The following CBFA2T2 variants were observed in gnomAD, a reference collection of about 807,000 sequenced individuals.
CBFA2T2 encodes CBFA2/RUNX1 partner transcriptional co-repressor 2, also known as protein CBFA2T2.
In CBFA2T2, 11 loss-of-function variants were observed where a neutral mutation model predicts 62.2. That is an observed-to-expected ratio of 0.18 (90% confidence interval 0.11 to 0.29). CBFA2T2 has a LOEUF of 0.29. Among genes scored for constraint, CBFA2T2 ranks in the 10% least tolerant of loss-of-function variants. CBFA2T2 has a pLI of 1.00. For synonymous variants in CBFA2T2, 295 were observed against 287.5 expected, an observed-to-expected ratio of 1.03 and a Z score of -0.27; for missense variants, 592 against 774.1, an observed-to-expected ratio of 0.76 and a Z score of 2.79.
At chr20:33,642,149 T>TGTGG in intron 10 of CBFA2T2, among the ~76,000 whole-genome samples, 1 of 150,108 alleles carries the variant, frequency 6.7e-6, no homozygotes, top group African/African-American at 2.4e-5. Context: ...TGTGTGTGTG[T>TGTGG]GTGTGTGTGT....
At chr20:33,585,362 A>G (rs2014315617) in intron 1 of CBFA2T2, among the ~76,000 whole-genome samples, 1 of 152,210 alleles carries the variant, frequency 6.6e-6, no homozygotes, top group Admixed American at 6.5e-5. Context: ...GAATACCGTG[A>G]GCATGTGTCT....
chr20:33,591,714 A>C (rs560671459), intron 1 of CBFA2T2, among the ~76,000 whole-genome samples: 3 of 152,318 alleles, frequency 2.0e-5, no homozygotes, highest in Non-Finnish European at 4.4e-5. Context: ...AGCACATTAA[A>C]GTTTAATAGT....
chr20:33,588,990 A>T (rs1301890149), intron 1 of CBFA2T2, among the ~76,000 whole-genome samples: 2 of 152,120 alleles, frequency 1.3e-5, no homozygotes, highest in Non-Finnish European at 2.9e-5. Context: ...AGGAAAAAAA[A>T]CCCATTTCCA....
At chr20:33,508,436 T>G (rs865803239) in intron 1 of CBFA2T2, among the ~76,000 whole-genome samples, 13 of 152,208 alleles carry the variant, frequency 8.5e-5, no homozygotes, top group South Asian at 4.1e-4. Context: ...TTGTTTGTTT[T>G]TTTAGCTTTT....
chr20:33,501,429 A>C (rs1225646237), intron 1 of CBFA2T2, among the ~76,000 whole-genome samples: 1 of 152,090 alleles, frequency 6.6e-6, no homozygotes, highest in Non-Finnish European at 1.5e-5. Flanking sequence ...GTATCCCTAG[A>C]GCTACACTAA....
chr20:33,642,707 G>T (rs2016902366), intron 10 of CBFA2T2, among the ~76,000 whole-genome samples: 1 of 152,124 alleles, frequency 6.6e-6, no homozygotes, highest in South Asian at 2.1e-4. Flanking sequence ...TCTTCTCTAT[G>T]TTTAACTGTG....
chr20:33,512,101 C>T (rs972455606), intron 1 of CBFA2T2, among the ~76,000 whole-genome samples: 4 of 152,186 alleles, frequency 2.6e-5, no homozygotes, highest in African/African-American at 4.8e-5. Context: ...CGCTTGAACC[C>T]GGGAGGGGGA....
chr20:33,586,137 G>A (rs2014358156), intron 1 of CBFA2T2, among the ~76,000 whole-genome samples: 1 of 152,124 alleles, frequency 6.6e-6, no homozygotes, highest in South Asian at 2.1e-4. Flanking sequence ...TCAATATTGT[G>A]ATTATTATCA....
At chr20:33,521,266 C>CTTGTTTT (rs1358360028) in intron 1 of CBFA2T2, among the ~76,000 whole-genome samples, 44 of 152,054 alleles carry the variant, frequency 2.9e-4, no homozygotes, top group Non-Finnish European at 5.3e-4. Context: ...GAGTAATGAG[C>CTTGTTTT]TTGTTTTGCT....
intron 1 of CBFA2T2, among the ~76,000 whole-genome samples, chr20:33,536,331 G>A (rs1479424861): frequency 4.2e-5 from 6 of 142,912 alleles, no homozygotes; most frequent in Admixed American, 1.4e-4. Context: ...CAGACGGGGC[G>A]GCTGGCCGGG....
chr20:33,503,870 G>A (rs1212280246), intron 1 of CBFA2T2, among the ~76,000 whole-genome samples: 1 of 150,886 alleles, frequency 6.6e-6, no homozygotes, highest in Admixed American at 6.6e-5. Context: ...TTTGTCAGTG[G>A]GTAGAGAAAA....
At chr20:33,622,305 G>GC (rs2016023554) in intron 4 of CBFA2T2, among the ~76,000 whole-genome samples, 1 of 152,148 alleles carries the variant, frequency 6.6e-6, no homozygotes, top group Non-Finnish European at 1.5e-5. Flanking sequence ...TGAAGGGATG[G>GC]CTACTTGCAT....
At chr20:33,535,708 T>TTC (rs2012195904) in intron 1 of CBFA2T2, among the ~76,000 whole-genome samples, 1 of 151,424 alleles carries the variant, frequency 6.6e-6, no homozygotes, top group East Asian at 1.9e-4. Context: ...TCTTGGGTGT[T>TTC]TCTCGCAGAG....
At chr20:33,513,062 G>C (rs2011537738) in intron 1 of CBFA2T2, among the ~76,000 whole-genome samples, 2 of 152,072 alleles carry the variant, frequency 1.3e-5, no homozygotes, top group South Asian at 4.1e-4. Context: ...ACGTATGTAT[G>C]TCTTTTTGTT....
chr20:33,526,782 A>G (rs929734823), intron 1 of CBFA2T2, among the ~76,000 whole-genome samples: 1 of 152,178 alleles, frequency 6.6e-6, no homozygotes, highest in Non-Finnish European at 1.5e-5. Flanking sequence ...ATCTTAAGCT[A>G]TATTTCCATG....
At chr20:33,535,498 G>T (rs1015457148) in intron 1 of CBFA2T2, among the ~76,000 whole-genome samples, 2 of 150,506 alleles carry the variant, frequency 1.3e-5, no homozygotes, top group Non-Finnish European at 3.0e-5. Context: ...TGATCTAGAA[G>T]ATTGGTGCTA....
intron 1 of CBFA2T2, among the ~76,000 whole-genome samples, chr20:33,576,039 G>C (rs2013811478): frequency 6.6e-6 from 1 of 151,846 alleles, no homozygotes; most frequent in Non-Finnish European, 1.5e-5. Flanking sequence ...CGCCCACCTT[G>C]GCCTCCCAAA....
intron 1 of CBFA2T2, among the ~76,000 whole-genome samples, chr20:33,531,315 G>A (rs560385499): frequency 1.3e-5 from 2 of 152,134 alleles, no homozygotes; most frequent in Admixed American, 6.6e-5. Context: ...AGAGGGGAGC[G>A]TTAACTAAAG....
intron 1 of CBFA2T2, among the ~76,000 whole-genome samples, chr20:33,564,980 C>T (rs962898695): frequency 9.2e-5 from 14 of 151,930 alleles, no homozygotes; most frequent in Non-Finnish European, 4.4e-5. Context: ...AGTGCAGCGG[C>T]GCGATCTCGA....
Sources: gnomAD v4.1 joint callset for allele counts (sites outside exome capture counted in the v4.1 genomes callset) on GRCh38, gnomAD v4.1.1 for gene constraint, MANE v1.5 for transcripts, NCBI Gene and HGNC (gene_info 2026-07-23, HGNC 2026-07-21) for gene names.